The following KRABD5 variants were observed in gnomAD, a reference collection of about 807,000 sequenced individuals.
KRABD5 encodes KRAB domain containing 5, also known as KRAB domain-containing protein 5.
chr16:31,749,056 G>A, the KRABD5 span, among the ~76,000 whole-genome samples: 1 of 152,236 alleles, frequency 6.6e-6, no homozygotes, highest in South Asian at 2.1e-4. Flanking sequence ...GAACTACCAG[G>A]AGGAAAGGCT....
chr16:31,727,146 A>C, the KRABD5 span, among the ~76,000 whole-genome samples: 83 of 152,356 alleles, frequency 5.4e-4, no homozygotes, highest in African/African-American at 1.9e-3. Context: ...CCTCAGCTTT[A>C]CTGAATGAGT....
the KRABD5 span, chr16:31,754,143 C>G: frequency 4.3e-6 from 3 of 694,862 alleles, no homozygotes; most frequent in Non-Finnish European, 7.8e-6. Flanking sequence ...TTCAAATAAT[C>G]ATTTAAACCA....
At chr16:31,726,348 A>G in the KRABD5 span, among the ~76,000 whole-genome samples, 1 of 152,294 alleles carries the variant, frequency 6.6e-6, no homozygotes, top group Middle Eastern at 3.4e-3. Context: ...TTTTAGGTCA[A>G]TATAATACTC....
chr16:31,713,274 G>GT, the KRABD5 span: 1 of 984,112 alleles, frequency 1.0e-6, no homozygotes, highest in Non-Finnish European at 1.5e-6. Context: ...GTTGGCTGCA[G>GT]TAAGAGCTCA....
chr16:31,753,686 A>G, the KRABD5 span: 3 of 1,305,644 alleles, frequency 2.3e-6, no homozygotes, highest in Non-Finnish European at 2.0e-6. Context: ...TCAACGTGAT[A>G]TAATTTGTGT....
chr16:31,717,632 A>G, the KRABD5 span, among the ~76,000 whole-genome samples: 1 of 152,186 alleles, frequency 6.6e-6, no homozygotes, highest in Non-Finnish European at 1.5e-5. Flanking sequence ...CCAATCTCTT[A>G]GCAGATTGCC....
chr16:31,739,820 G>A, the KRABD5 span, among the ~76,000 whole-genome samples: 29 of 152,156 alleles, frequency 1.9e-4, no homozygotes, highest in African/African-American at 6.3e-4. Context: ...TGGGTTTACC[G>A]GAATGAGGGC....
the KRABD5 span, among the ~76,000 whole-genome samples, chr16:31,718,160 C>G: frequency 6.6e-6 from 1 of 152,160 alleles, no homozygotes; most frequent in African/African-American, 2.4e-5. Flanking sequence ...CCTCCAGCAC[C>G]TAAATCTGTA....
the KRABD5 span, chr16:31,753,787 A>C: frequency 7.9e-6 from 12 of 1,521,708 alleles, no homozygotes; most frequent in Non-Finnish European, 9.7e-6. Context: ...CATGATACTC[A>C]AGGCCTCTTA....
At chr16:31,757,393 G>A in the KRABD5 span, 1 of 152,198 alleles carries the variant, frequency 6.6e-6, no homozygotes, top group East Asian at 1.9e-4. Flanking sequence ...CTTGAACTGA[G>A]GAGATGAAGG....
the KRABD5 span, among the ~76,000 whole-genome samples, chr16:31,727,861 T>C: frequency 2.6e-5 from 4 of 151,982 alleles, no homozygotes; most frequent in Non-Finnish European, 5.9e-5. Context: ...CTTTTATGTA[T>C]TTATTTATTT....
chr16:31,759,055 A>G, the KRABD5 span: 3 of 266,354 alleles, frequency 1.1e-5, no homozygotes, highest in South Asian at 5.1e-5. Context: ...TTCATATTGT[A>G]TTCCCTGCAG....
the KRABD5 span, among the ~76,000 whole-genome samples, chr16:31,739,103 A>G: frequency 6.6e-6 from 1 of 152,174 alleles, no homozygotes; most frequent in Non-Finnish European, 1.5e-5. Context: ...TATAATACAG[A>G]ATATTTTACT....
the KRABD5 span, among the ~76,000 whole-genome samples, chr16:31,721,163 C>T: frequency 1.3e-5 from 2 of 152,120 alleles, no homozygotes; most frequent in African/African-American, 4.8e-5. Context: ...TGTTAGTCTT[C>T]ATAGTTTGTT....
At chr16:31,748,012 A>G in the KRABD5 span, among the ~76,000 whole-genome samples, 3 of 151,916 alleles carry the variant, frequency 2.0e-5, no homozygotes, top group Admixed American at 2.0e-4. Context: ...CCATTTGTCA[A>G]TTTTGTCTTT....
the KRABD5 span, among the ~76,000 whole-genome samples, chr16:31,740,604 G>T: frequency 6.6e-6 from 1 of 151,572 alleles, no homozygotes; most frequent in Non-Finnish European, 1.5e-5. Flanking sequence ...GGCCAGCCTG[G>T]GCAGTATTGC....
At chr16:31,738,200 A>G in the KRABD5 span, among the ~76,000 whole-genome samples, 1 of 152,066 alleles carries the variant, frequency 6.6e-6, no homozygotes, top group African/African-American at 2.4e-5. Context: ...GTATATGACT[A>G]TTAGGTCTAA....
At chr16:31,714,329 G>A in the KRABD5 span, 1 of 456,066 alleles carries the variant, frequency 2.2e-6, no homozygotes, top group Non-Finnish European at 4.4e-6. Flanking sequence ...TATAAAAACT[G>A]TTTTGAGTGA....
At chr16:31,723,936 A>G in the KRABD5 span, among the ~76,000 whole-genome samples, 2 of 152,200 alleles carry the variant, frequency 1.3e-5, no homozygotes, top group African/African-American at 4.8e-5. Context: ...TTTCACTTCA[A>G]CTTTTCATCT....
Sources: gnomAD v4.1 joint callset for allele counts (sites outside exome capture counted in the v4.1 genomes callset) on GRCh38, gnomAD v4.1.1 for gene constraint, MANE v1.5 for transcripts, NCBI Gene and HGNC (gene_info 2026-07-23, HGNC 2026-07-21) for gene names.